Variants in DERL1 observed in about 807,000 individuals in gnomAD.
DERL1 encodes the protein derlin-1.
A neutral mutation model predicts 41.6 loss-of-function variants in DERL1; 24 were observed. That is an observed-to-expected ratio of 0.58 (90% CI 0.42 to 0.81). The LOEUF (loss-of-function observed/expected upper bound fraction) is 0.81, where lower values mean the gene tolerates loss of function less well. Among genes scored for constraint, DERL1 ranks in the 30% least tolerant of loss-of-function variants. The pLI is 0.00. For missense variants in DERL1, 260 were observed against 314.3 expected, an observed-to-expected ratio of 0.83 and a Z score of 1.31; for synonymous variants, 124 against 112.5, an observed-to-expected ratio of 1.10 and a Z score of -0.65.
intron 7 of DERL1, chr8:123,017,361 A>G (rs1712468079): frequency 6.6e-6 from 1 of 152,200 alleles, no homozygotes. Flanking sequence ...GTACAATAAT[A>G]TTCCTCCAAA....
At chr8:123,025,195 A>G (rs3765210) in intron 2 of DERL1, 145 bp from the exon 3 acceptor site, 1 of 768,030 alleles carries the variant, frequency 1.3e-6, no homozygotes, top group East Asian at 2.8e-5. Context: ...GTGAATTTTT[A>G]AAAATATCTA....
At chr8:123,026,242 G>A (rs1337377350) in intron 2 of DERL1, among the ~76,000 whole-genome samples, 1 of 152,156 alleles carries the variant, frequency 6.6e-6, no homozygotes, top group African/African-American at 2.4e-5. Context: ...AATGCTAGAG[G>A]ATCACAATGA....
intron 3 of DERL1, among the ~76,000 whole-genome samples, 195 bp from the exon 4 acceptor site, chr8:123,023,934 A>G (rs1554595261): frequency 6.6e-6 from 1 of 152,266 alleles, no homozygotes; most frequent in Non-Finnish European, 1.5e-5. Context: ...CCTGGGCAAC[A>G]TAGCAAGACC....
intron 6 of DERL1, 51 bp downstream of exon 6, chr8:123,021,396 G>A (rs761150886): frequency 1.3e-6 from 2 of 1,530,758 alleles, no homozygotes; most frequent in Non-Finnish European, 1.8e-6. Context: ...AAAAACTAAT[G>A]GAAATTTTCC....
chr8:123,040,196 C>A (rs1181761626), intron 1 of DERL1, among the ~76,000 whole-genome samples: 1 of 151,788 alleles, frequency 6.6e-6, no homozygotes, highest in Non-Finnish European at 1.5e-5. Flanking sequence ...CCAGCCTGGG[C>A]AACAGAGCGA....
rs549168322 is a variant in DERL1, at chr8:123,036,709, C to T, written c.153+5261G>A. Among the ~76,000 whole-genome samples, 18 of 152,282 alleles carry T rather than the reference C, an allele frequency of 1.2e-4. No homozygotes were observed. The South Asian group carries it at 2.9e-3, about 25-fold the overall frequency. On this transcript the variant is annotated intron_variant, in intron 1 of 7. Coordinates refer to ENST00000259512, the MANE Select transcript of DERL1 (RefSeq NM_024295.6). ...ACTACTAAGGAAAGATCTTAAATTA[C>T]GTACCAGAACACTTGCCACTAGAGT...
chr8:123,028,242 A>T (rs757312048), intron 2 of DERL1, among the ~76,000 whole-genome samples: 14 of 152,180 alleles, frequency 9.2e-5, no homozygotes, highest in Non-Finnish European at 1.9e-4. Context: ...GATATAAATA[A>T]AACAAGATTG....
At chr8:123,040,503 T>G (rs1438000319) in intron 1 of DERL1, among the ~76,000 whole-genome samples, 1 of 152,100 alleles carries the variant, frequency 6.6e-6, no homozygotes, top group African/African-American at 2.4e-5. Context: ...TAGTAGGAGA[T>G]GAGGTCAGAG....
intron 1 of DERL1, among the ~76,000 whole-genome samples, chr8:123,041,760 C>G (rs1034759586): frequency 6.6e-6 from 1 of 152,230 alleles, no homozygotes; most frequent in Non-Finnish European, 1.5e-5. Context: ...CCCCTCCCCA[C>G]CAGGCCAGCC....
chr8:123,028,519 T>G (rs1812752696), intron 2 of DERL1, among the ~76,000 whole-genome samples: 1 of 152,140 alleles, frequency 6.6e-6, no homozygotes, highest in Non-Finnish European at 1.5e-5. Flanking sequence ...GTTCTGGAAT[T>G]AGATTGTGGT....
intron 1 of DERL1, among the ~76,000 whole-genome samples, chr8:123,039,602 C>T (rs1373880889): frequency 6.6e-6 from 1 of 152,226 alleles, no homozygotes; most frequent in Non-Finnish European, 1.5e-5. Context: ...TGGCTGGCTC[C>T]TCAGTATTCC....
chr8:123,020,859 G>A (rs1185526279), intron 6 of DERL1, among the ~76,000 whole-genome samples: 3 of 150,348 alleles, frequency 2.0e-5, no homozygotes, highest in Non-Finnish European at 4.4e-5. Flanking sequence ...CCAGCTACTC[G>A]GGAGGCTGAG....
chr8:123,022,846 T>C, intron 4 of DERL1, 67 bp from the exon 5 acceptor site: 1 of 1,307,118 alleles, frequency 7.7e-7, no homozygotes, highest in South Asian at 1.2e-5. Flanking sequence ...ACATCTACTA[T>C]GCTTTTTACC....
At chr8:123,035,352 G>A (rs1812903994) in intron 1 of DERL1, among the ~76,000 whole-genome samples, 1 of 152,222 alleles carries the variant, frequency 6.6e-6, no homozygotes, top group Non-Finnish European at 1.5e-5. Context: ...GAAGGACACA[G>A]TGTAACATAT....
intron 2 of DERL1, 90 bp downstream of exon 2, chr8:123,030,515 T>A: frequency 2.2e-6 from 2 of 913,696 alleles, no homozygotes; most frequent in South Asian, 1.7e-5. Context: ...CTTTTTGTAA[T>A]GCTAACTGCC....
intron 7 of DERL1, chr8:123,016,685 C>A (rs1231804763): frequency 6.6e-6 from 1 of 152,194 alleles, no homozygotes; most frequent in East Asian, 1.9e-4. Context: ...AGGATTCCAA[C>A]CTAGTCAGCC....
chr8:123,036,041 G>A (rs77494591), intron 1 of DERL1, among the ~76,000 whole-genome samples: 3,715 of 151,944 alleles, frequency 0.024, 158 homozygotes, highest in African/African-American at 0.085. Context: ...GCAAGAAAAG[G>A]CCCCTTCCAT....
At chr8:123,023,765 A>C in intron 3 of DERL1, 26 bp from the exon 4 acceptor site, 1 of 1,610,014 alleles carries the variant, frequency 6.2e-7, no homozygotes. Flanking sequence ...TAAAGATCAG[A>C]CATAAAAAAG....
At position 123,013,613 on chromosome 8, in the gene DERL1, G is replaced by C. The variant is rs1042129474; in HGVS notation, c.*1834C>G. On this transcript the variant is annotated 3_prime_UTR_variant, in exon 8 of 8. Transcript: ENST00000259512. ...CATGAACATTTTGCCCTGAACTGAAGAGTTCTAAATACTTGTAAACCTTTA... is the reference window on the plus strand; with the variant it reads ...CATGAACATTTTGCCCTGAACTGAACAGTTCTAAATACTTGTAAACCTTTA... 6.6e-6 allele frequency: 1 copy of C among 152,178 alleles called. No homozygotes were observed. Among genetic ancestry groups the C allele is most frequent in the Admixed American group, 6.5e-5 (1 of 15,282 alleles). 9.4% of individuals were successfully genotyped at this position (152,178 alleles called of 1,614,324 possible).
Sources: gnomAD v4.1 joint callset for allele counts (sites outside exome capture counted in the v4.1 genomes callset) on GRCh38, gnomAD v4.1.1 for gene constraint, MANE v1.5 for transcripts, NCBI Gene and HGNC (gene_info 2026-07-23, HGNC 2026-07-21) for gene names.